The following PTPRQ variants were observed in gnomAD, a reference collection of about 807,000 sequenced individuals.
PTPRQ encodes the protein protein tyrosine phosphatase receptor type Q.
In PTPRQ, 199 loss-of-function variants were observed where a neutral mutation model predicts 246.0. That is an observed-to-expected ratio of 0.81 (90% CI 0.72 to 0.91). The LOEUF is 0.91. Ranked by LOEUF, PTPRQ falls within the 40% of genes least tolerant of loss-of-function variation. The pLI is 0.00. For missense variants in PTPRQ, 2,624 were observed against 2,528.4 expected (o/e 1.04, Z -0.81); for synonymous variants, 869 against 853.2 (o/e 1.02, Z -0.32).
intron 26 of PTPRQ, among the ~76,000 whole-genome samples, chr12:80,600,015 A>G (rs1046092538): frequency 6.6e-6 from 1 of 151,850 alleles, no homozygotes; most frequent in Non-Finnish European, 1.5e-5. Context: ...AAGACAGGCA[A>G]TTTTATCAAG....
chr12:80,536,986 A>G (rs1054171291), intron 19 of PTPRQ, among the ~76,000 whole-genome samples: 1 of 152,186 alleles, frequency 6.6e-6, no homozygotes, highest in African/African-American at 2.4e-5. Context: ...GTATCAAACT[A>G]TGGTTCCAAC....
At position 80,445,533 on chromosome 12, in the gene PTPRQ, C is replaced by A. The variant is rs61729302; in HGVS notation, c.206C>A (p.Ser69Tyr). 5 of 1,548,568 alleles carry A rather than the reference C, an allele frequency of 3.2e-6. No homozygotes were observed. The highest frequency in any genetic ancestry group is 4.4e-6 in the Non-Finnish European group (5 of 1,145,570). Residue 69 changes from serine to tyrosine, a missense_variant, in exon 3 of 45, where the codon TCT (serine) becomes TAT (tyrosine). Coordinates refer to ENST00000644991, the MANE Select transcript of PTPRQ (RefSeq NM_001145026.2). ...PVFLAGERVG[S>Y]AGILLSWNTP... is the part of the protein sequence containing the mutation. ...TTCCTAGCCGGGGAAAGAGTCGGAT[C>A]TGCTGGGATTCTTCTGTCTTGGAAT...
At chr12:80,667,867 A>G (rs1363624658) in intron 39 of PTPRQ, among the ~76,000 whole-genome samples, 3 of 151,950 alleles carry the variant, frequency 2.0e-5, no homozygotes, top group African/African-American at 7.2e-5. Context: ...TTGAGACTGG[A>G]AAGACAGAAA....
chr12:80,513,583 T>C (rs149639844), intron 17 of PTPRQ, among the ~76,000 whole-genome samples: 171 of 152,170 alleles, frequency 1.1e-3, no homozygotes, highest in African/African-American at 4.0e-3. Flanking sequence ...AAAACAGAAA[T>C]GCCTGTCCTC....
In PTPRQ at chr12:80,542,881, G is replaced by T. The variant is rs1162110949; in HGVS notation, c.3873G>T (p.Lys1291Asn). 2.1e-5 allele frequency: 31 copies of T among 1,465,878 alleles called. No individual in the cohort carries two copies. The highest frequency in any genetic ancestry group is 2.7e-5 in the Non-Finnish European group (30 of 1,098,792). 90.8% of individuals were successfully genotyped at this position (1,465,878 alleles called of 1,614,324 possible). ...HEHETDTIYY[K>N]NISGFKTEAK... is the part of the protein sequence containing the mutation. The stretch of plus-strand genomic sequence containing the variant: ...ATGAAACTGACACTATATATTATAA[G>T]GTAGGTTGATTATAACAGTATATGT... The change falls in exon 23 of 45, where the codon AAG becomes AAT. Residue 1291 changes from lysine to asparagine, a missense_variant and splice_region_variant. Transcript: ENST00000644991.
chr12:80,546,696 A>G lies in PTPRQ; in HGVS notation c.4014A>G (p.Ser1338=). The change falls in exon 24 of 45, where the codon TCA becomes TCG. Residue 1338 remains serine, a splice_region_variant and synonymous_variant. Coordinates refer to ENST00000644991, the MANE Select transcript of PTPRQ (RefSeq NM_001145026.2). ...TAGTAAAATTCACAACCCAAGAATC[A>G]GGTTAGATACAGTTTTTGAGCCTAA... ...SNVVKFTTQE[S]VPDVVQNMQC... 1 of 1,550,156 alleles carries G rather than the reference A, an allele frequency of 6.5e-7. No individual in the cohort carries two copies.
chr12:80,522,134 GGAGTTCA>G (rs1368910250), intron 17 of PTPRQ, among the ~76,000 whole-genome samples: 1 of 152,076 alleles, frequency 6.6e-6, no homozygotes, highest in East Asian at 1.9e-4. Flanking sequence ...ATTGTGAATG[GGAGTTCA>G]CTCATGATTT....
chr12:80,462,077 G>A (rs4448754), intron 6 of PTPRQ: 210,117 of 672,908 alleles, frequency 0.31, 37,090 homozygotes, highest in African/African-American at 0.61. Flanking sequence ...CTCACTTGGG[G>A]AGCACAAGGG....
chr12:80,679,098 A>T lies in PTPRQ; in HGVS notation c.*75A>T. The T allele has an allele frequency of 2.0e-6, 3 of 1,504,918 alleles. No homozygotes were observed. Among genetic ancestry groups the T allele is most frequent in the Non-Finnish European group, 2.7e-6 (3 of 1,124,844 alleles). 93.2% of individuals were successfully genotyped at this position (1,504,918 alleles called of 1,614,324 possible). ...CCAAAGTTACCCCCTCATTCTTCCG[A>T]ATTGAAATGTGCAACCTTAAAGAAA... On this transcript the variant is annotated 3_prime_UTR_variant, in exon 45 of 45. Transcript: ENST00000644991.
At chr12:80,461,977 C>CA (rs1318731605) in intron 6 of PTPRQ, 75 of 652,664 alleles carry the variant, frequency 1.1e-4, no homozygotes, top group Admixed American at 2.6e-4. Context: ...TCTAAGGTAC[C>CA]CGTTCGTCTC....
Position 80,514,373 on chromosome 12 carries a change from T to TACACACACAC in PTPRQ, c.2678+3951_2678+3960dup, listed in dbSNP as rs372647668. ...CCCTCAGTAAAACTTGGCTTTATTT[T>TACACACACAC]ACACACACACACACACACACACACA... On this transcript the variant is annotated intron_variant, in intron 17 of 44. Transcript: ENST00000644991. Among the ~76,000 whole-genome samples, 568 of 112,166 alleles carry TACACACACAC rather than the reference T, an allele frequency of 5.1e-3. 3 individuals are homozygous for TACACACACAC. The highest frequency in any genetic ancestry group is 0.017 in the African/African-American group (529 of 30,792). 73.6% of individuals were successfully genotyped at this position (112,166 alleles called of 152,430 possible). A position where few individuals can be genotyped will look rare whatever the true frequency, so the allele number is the denominator to read the frequency against.
At chr12:80,499,896 T>G (rs961044338) in intron 14 of PTPRQ, among the ~76,000 whole-genome samples, 1 of 151,960 alleles carries the variant, frequency 6.6e-6, no homozygotes, top group Admixed American at 6.6e-5. Flanking sequence ...AATACAACTT[T>G]GAGAAGTTCC....
chr12:80,645,422 A>AGATAAAGC (rs1410982128), intron 35 of PTPRQ, among the ~76,000 whole-genome samples: 4 of 151,990 alleles, frequency 2.6e-5, no homozygotes, highest in Non-Finnish European at 4.4e-5. Context: ...ATATTCCCTC[A>AGATAAAGC]CAATAAAGCC....
At chr12:80,629,094 G>T (rs1899316728) in intron 33 of PTPRQ, among the ~76,000 whole-genome samples, 1 of 151,846 alleles carries the variant, frequency 6.6e-6, no homozygotes, top group Non-Finnish European at 1.5e-5. Context: ...TTTCCTTGGT[G>T]CATGGATGGA....
At chr12:80,523,759 T>C (rs1222594034) in intron 17 of PTPRQ, among the ~76,000 whole-genome samples, 3 of 152,210 alleles carry the variant, frequency 2.0e-5, no homozygotes, top group African/African-American at 7.2e-5. Context: ...TTCTTTTACA[T>C]TTGCTGAGGA....
At chr12:80,574,430 G>T (rs531740358) in intron 25 of PTPRQ, among the ~76,000 whole-genome samples, 1 of 151,880 alleles carries the variant, frequency 6.6e-6, no homozygotes, top group South Asian at 2.1e-4. Flanking sequence ...CTTGACTTTG[G>T]ATGTACTATT....
intron 37 of PTPRQ, among the ~76,000 whole-genome samples, chr12:80,651,489 A>C (rs1046030832): frequency 6.6e-6 from 1 of 152,068 alleles, no homozygotes; most frequent in Non-Finnish European, 1.5e-5. Context: ...GAATGCAAAA[A>C]CGGTCTAACT....
chr12:80,540,014 ATTTG>A (rs1896106064), intron 20 of PTPRQ, 70 bp downstream of exon 20: 4 of 1,226,092 alleles, frequency 3.3e-6, no homozygotes, highest in East Asian at 2.9e-5. Context: ...AAATTTTACT[ATTTG>A]TTTGAATTTG....
intron 7 of PTPRQ, among the ~76,000 whole-genome samples, chr12:80,469,711 C>G (rs1893564032): frequency 6.6e-6 from 1 of 152,166 alleles, no homozygotes; most frequent in South Asian, 2.1e-4. Flanking sequence ...TTCTGAAATA[C>G]TTTTACTTCC....
Sources: gnomAD v4.1 joint callset for allele counts (sites outside exome capture counted in the v4.1 genomes callset) on GRCh38, gnomAD v4.1.1 for gene constraint, MANE v1.5 for transcripts, NCBI Gene and HGNC (gene_info 2026-07-23, HGNC 2026-07-21) for gene names.